PDE4D: variants seen among roughly 807,000 people sequenced by gnomAD.
The protein encoded by PDE4D is phosphodiesterase 4D, also known as 3',5'-cyclic-AMP phosphodiesterase 4D.
In PDE4D, 24 loss-of-function variants were observed where a neutral mutation model predicts 87.4. The observed-to-expected ratio is 0.27, with a 90% confidence interval of 0.20 to 0.39. PDE4D has a LOEUF of 0.39. Among genes scored for constraint, PDE4D ranks in the 10% least tolerant of loss-of-function variants. The pLI is 1.00. For missense variants in PDE4D, 714 were observed against 1,041.0 expected, an observed-to-expected ratio of 0.69 and a Z score of 4.32; for synonymous variants, 384 against 383.2, an observed-to-expected ratio of 1.00 and a Z score of -0.02.
At chr5:59,826,647 C>G (rs1247120739) in intron 1 of PDE4D, among the ~76,000 whole-genome samples, 1 of 152,036 alleles carries the variant, frequency 6.6e-6, no homozygotes, top group Non-Finnish European at 1.5e-5. Context: ...ACACAAAAGC[C>G]AAGTGTTTTG....
rs577922519 is a variant in PDE4D at position 59,437,230 on chromosome 5, T to C, written c.456-221262A>G. 8.5e-5 allele frequency among the ~76,000 whole-genome samples: 13 copies of C among 152,270 alleles called. No individual in the cohort carries two copies. In the South Asian group the frequency reaches 1.2e-3, roughly 15 times the overall value. ...TAAGCTGTTTGAATGTTAAATGGAG[T>C]GGCATTTTGCTTTAGAATGTATAGA... On this transcript the variant is annotated intron_variant, in intron 1 of 14. Transcript: ENST00000340635.
intron 1 of PDE4D, among the ~76,000 whole-genome samples, chr5:59,607,877 A>G (rs1271421510): frequency 2.0e-5 from 3 of 152,144 alleles, no homozygotes; most frequent in Non-Finnish European, 2.9e-5. Flanking sequence ...CATCACTGGT[A>G]CAATAAGAAG....
At chr5:60,403,996 C>T (rs1396606690) in intron 1 of PDE4D, among the ~76,000 whole-genome samples, 3 of 152,070 alleles carry the variant, frequency 2.0e-5, no homozygotes, top group African/African-American at 7.2e-5. Flanking sequence ...ATATAAATGA[C>T]AAGCATTTTA....
At chr5:59,043,354 T>A (rs141472954) in intron 5 of PDE4D, among the ~76,000 whole-genome samples, 1,768 of 152,144 alleles carry the variant, frequency 0.012, 14 homozygotes, top group Non-Finnish European at 0.017. Flanking sequence ...AAACCTTGGC[T>A]CTACTAAAAA....
chr5:59,960,593 A>C (rs753421809), intron 3 of PDE4D, among the ~76,000 whole-genome samples: 7 of 152,208 alleles, frequency 4.6e-5, no homozygotes, highest in Non-Finnish European at 1.0e-4. Flanking sequence ...TGAATGAATG[A>C]ATGAATGCAG....
At chr5:59,569,024 G>T (rs1363980047) in intron 1 of PDE4D, among the ~76,000 whole-genome samples, 1 of 152,102 alleles carries the variant, frequency 6.6e-6, no homozygotes, top group African/African-American at 2.4e-5. Flanking sequence ...CCATTTTTCT[G>T]CAAATCTAAA....
intron 1 of PDE4D, among the ~76,000 whole-genome samples, chr5:59,269,205 C>A (rs954434443): frequency 7.2e-5 from 11 of 152,032 alleles, no homozygotes; most frequent in African/African-American, 2.7e-4. Flanking sequence ...TTTTGAAATA[C>A]CAAAAGAAGC....
At chr5:59,501,435 C>T (rs1485663203) in intron 1 of PDE4D, among the ~76,000 whole-genome samples, 2 of 152,106 alleles carry the variant, frequency 1.3e-5, no homozygotes, top group Non-Finnish European at 2.9e-5. Context: ...AAAACAAAGA[C>T]ATGCACAAAT....
At chr5:59,355,216 A>G (rs897945163) in intron 1 of PDE4D, among the ~76,000 whole-genome samples, 6 of 152,234 alleles carry the variant, frequency 3.9e-5, no homozygotes, top group African/African-American at 1.4e-4. Flanking sequence ...TTAAATTGTT[A>G]CAATACCATA....
At chr5:60,160,854 A>G (rs1270381290) in intron 2 of PDE4D, 1 of 448,118 alleles carries the variant, frequency 2.2e-6, no homozygotes, top group African/African-American at 2.0e-5. Context: ...ATTTAAAGTC[A>G]CTACCTTATA....
At chr5:60,052,219 C>T (rs1283851551) in intron 2 of PDE4D, among the ~76,000 whole-genome samples, 1 of 145,594 alleles carries the variant, frequency 6.9e-6, no homozygotes, top group Non-Finnish European at 1.5e-5. Context: ...AAGCCAAAGC[C>T]TGGCAGAGAC....
chr5:59,507,130 G>A (rs1294424350), intron 1 of PDE4D, among the ~76,000 whole-genome samples: 1 of 152,060 alleles, frequency 6.6e-6, no homozygotes, highest in Non-Finnish European at 1.5e-5. Context: ...TGAGGAGTTC[G>A]TGACCAGCCC....
intron 1 of PDE4D, among the ~76,000 whole-genome samples, chr5:59,494,568 C>G (rs1235822796): frequency 2.0e-5 from 3 of 152,176 alleles, no homozygotes; most frequent in East Asian, 3.8e-4. Flanking sequence ...TTAGTCATAA[C>G]TTTCATTTAT....
intron 1 of PDE4D, among the ~76,000 whole-genome samples, chr5:59,439,399 A>G (rs1287091520): frequency 6.6e-6 from 1 of 151,392 alleles, no homozygotes; most frequent in East Asian, 1.9e-4. Flanking sequence ...TTGGTTTCAG[A>G]GCCAAGTGAC....
Position 59,138,915 on chromosome 5 carries a change from A to G in PDE4D, c.808+41680T>C, listed in dbSNP as rs561923262. 4.6e-5 allele frequency among the ~76,000 whole-genome samples: 7 copies of G among 152,354 alleles called. No homozygotes were observed. In the South Asian group the frequency reaches 1.4e-3, roughly 32 times the overall value. ...GAAAGAGGTGTGTGAAAGATTTATGAAAGTATAGAGGAGGAATGCTTAAAT... is the reference window on the plus strand; with the variant it reads ...GAAAGAGGTGTGTGAAAGATTTATGGAAGTATAGAGGAGGAATGCTTAAAT... On this transcript the variant is annotated intron_variant, in intron 5 of 14. Coordinates refer to ENST00000340635, the MANE Select transcript of PDE4D (RefSeq NM_001104631.2).
rs201608489 is a variant in PDE4D, at chr5:59,324,007, A to G, written c.456-108039T>C. 1.7e-3 allele frequency among the ~76,000 whole-genome samples: 253 copies of G among 152,146 alleles called. 1 individual carries two copies. The highest frequency in any genetic ancestry group is 5.5e-3 in the African/African-American group (229 of 41,536). On this transcript the variant is annotated intron_variant, in intron 1 of 14. Transcript: ENST00000340635. ...CATCTCCCCAAACCTACCACATTTT[A>G]TCTTATTCCCAGTCATTTGCACATG...
chr5:60,108,521 T>C (rs1052215961), intron 2 of PDE4D, among the ~76,000 whole-genome samples: 9 of 152,202 alleles, frequency 5.9e-5, no homozygotes, highest in Non-Finnish European at 1.0e-4. Context: ...GTAAAGTTCA[T>C]ATGGAACCAA....
chr5:60,507,619 T>C (rs183928777), intron 1 of PDE4D, among the ~76,000 whole-genome samples: 10 of 152,164 alleles, frequency 6.6e-5, no homozygotes, highest in Admixed American at 5.9e-4. Flanking sequence ...TTTCACCACA[T>C]CCTAGCCAAG....
intron 2 of PDE4D, among the ~76,000 whole-genome samples, chr5:60,168,222 A>G (rs1316042293): frequency 6.6e-6 from 1 of 152,246 alleles, no homozygotes; most frequent in Non-Finnish European, 1.5e-5. Context: ...AAAACCCAAA[A>G]GAGCTAATCA....
Sources: gnomAD v4.1 joint callset for allele counts (sites outside exome capture counted in the v4.1 genomes callset) on GRCh38, gnomAD v4.1.1 for gene constraint, MANE v1.5 for transcripts, NCBI Gene and HGNC (gene_info 2026-07-23, HGNC 2026-07-21) for gene names.